Variants in CPQ observed in about 807,000 individuals in gnomAD.
CPQ encodes the protein carboxypeptidase Q.
Under a neutral mutation model 45.7 loss-of-function variants are expected in CPQ, and 37 were observed. The ratio of observed to expected loss-of-function variants is 0.81; its 90% CI spans 0.62 to 1.07. The LOEUF (loss-of-function observed/expected upper bound fraction) is 1.07. Among genes scored for constraint, CPQ ranks in the 50% least tolerant of loss-of-function variants. The pLI is 0.00. For synonymous variants in CPQ, 186 were observed against 205.8 expected, an observed-to-expected ratio of 0.90 and a Z score of 0.82; for missense variants, 537 against 572.9, an observed-to-expected ratio of 0.94 and a Z score of 0.64.
Position 96,965,964 on chromosome 8 carries a change from C to G in CPQ, c.879C>G (p.Ser293Arg). 6.2e-7 allele frequency: 1 copy of G among 1,613,748 alleles called. No individual in the cohort carries two copies. Among genetic ancestry groups the G allele is most frequent in the South Asian group, 1.1e-5 (1 of 91,058 alleles). Residue 293 changes from serine to arginine, a missense_variant, in exon 5 of 8, where the codon AGC becomes AGG. Ser to Arg is a moderately radical substitution (Grantham distance 110). Transcript: ENST00000220763. ...QVVLVSGHLD[S>R]WDVGQGAMDD... ...TACTGGTCAGTGGACATCTGGACAG[C>G]TGGGATGTTGGGCAGGGTGCCATGG...
rs139641925 is a variant in CPQ at position 96,831,607 on chromosome 8, G to A, written c.434-3366G>A. On this transcript the variant is annotated intron_variant, in intron 2 of 7. Coordinates refer to ENST00000220763, the MANE Select transcript of CPQ (RefSeq NM_016134.4). Reference sequence around the variant, plus strand: ...ATGGAAGGGTAAAATTTTCTAGGTGGTCTAGTTTTATTTTATTCCATTTGA... The same window carrying A: ...ATGGAAGGGTAAAATTTTCTAGGTGATCTAGTTTTATTTTATTCCATTTGA... Among the ~76,000 whole-genome samples, 491 of 152,172 alleles carry A rather than the reference G, an allele frequency of 3.2e-3. 5 individuals carry two copies. Among genetic ancestry groups the A allele is most frequent in the African/African-American group, 0.011 (449 of 41,516 alleles).
Position 97,054,506 on chromosome 8 carries a change from G to C in CPQ, c.1054-11503G>C, listed in dbSNP as rs374913569. On this transcript the variant is annotated intron_variant, in intron 6 of 7. Transcript: ENST00000220763. The stretch of plus-strand genomic sequence containing the variant: ...TCACAGCATGGTTCACAATTGCAAA[G>C]ATATGGAATAAACCTAACTGTCCAT... 1.1e-4 allele frequency among the ~76,000 whole-genome samples: 16 copies of C among 152,254 alleles called. No homozygotes were observed. In the South Asian group the frequency reaches 3.3e-3, roughly 32 times the overall value.
In CPQ at chr8:96,679,658, C is replaced by T. The variant is rs540959767; in HGVS notation, c.-35+34256C>T. Among the ~76,000 whole-genome samples the T allele has an allele frequency of 4.6e-5, 7 of 151,938 alleles. No individual in the cohort carries two copies. The South Asian group carries it at 1.0e-3, about 23-fold the overall frequency. On this transcript the variant is annotated intron_variant, in intron 1 of 7. Coordinates refer to ENST00000220763, the MANE Select transcript of CPQ (RefSeq NM_016134.4). ...TCATTCTTTGTAGGTTTTATGTGAC[C>T]AGGAGTTATCCATTTTCTCTAAGTT...
chr8:97,043,197 T>G (rs1210087890), intron 6 of CPQ, among the ~76,000 whole-genome samples: 6 of 152,204 alleles, frequency 3.9e-5, no homozygotes, highest in Admixed American at 1.3e-4. Flanking sequence ...ATATTTAGGA[T>G]AGTTAGCTCT....
At chr8:96,989,055 G>C (rs142393820) in intron 5 of CPQ, among the ~76,000 whole-genome samples, 1 of 152,268 alleles carries the variant, frequency 6.6e-6, no homozygotes, top group Non-Finnish European at 1.5e-5. Context: ...TGCAAGAGTG[G>C]CCTCTCACCA....
At chr8:97,043,745 C>T (rs1810178206) in intron 6 of CPQ, among the ~76,000 whole-genome samples, 1 of 152,150 alleles carries the variant, frequency 6.6e-6, no homozygotes, top group Admixed American at 6.5e-5. Context: ...ACTTATGAAG[C>T]TTAGTTTGGC....
intron 2 of CPQ, among the ~76,000 whole-genome samples, chr8:96,802,622 T>C (rs1811021651): frequency 6.6e-6 from 1 of 152,152 alleles, no homozygotes; most frequent in South Asian, 2.1e-4. Context: ...CTGAAACTTT[T>C]TTTCTTAGAA....
chr8:96,737,948 T>C (rs982229424), intron 1 of CPQ, among the ~76,000 whole-genome samples: 7 of 152,192 alleles, frequency 4.6e-5, no homozygotes, highest in African/African-American at 1.7e-4. Flanking sequence ...TTCTATTTTT[T>C]AGTATTTTCT....
chr8:97,088,000 A>T (rs548441475), intron 7 of CPQ, among the ~76,000 whole-genome samples: 2 of 152,298 alleles, frequency 1.3e-5, no homozygotes, highest in South Asian at 4.1e-4. Context: ...GAGATATTTG[A>T]CTTTCAATTA....
At chr8:96,714,836 G>A (rs1161734023) in intron 1 of CPQ, among the ~76,000 whole-genome samples, 5 of 151,456 alleles carry the variant, frequency 3.3e-5, no homozygotes, top group African/African-American at 4.9e-5. Context: ...TTGATGATGC[G>A]ACTTTAGTAT....
At chr8:96,935,886 T>C (rs1360669885) in intron 4 of CPQ, among the ~76,000 whole-genome samples, 1 of 152,166 alleles carries the variant, frequency 6.6e-6, no homozygotes, top group Non-Finnish European at 1.5e-5. Context: ...ATGTAGACAA[T>C]TGTAAGTTAA....
intron 3 of CPQ, among the ~76,000 whole-genome samples, chr8:96,854,518 G>A (rs1968394): frequency 0.052 from 2,388 of 45,588 alleles, 45 homozygotes; most frequent in Middle Eastern, 0.14. Flanking sequence ...GCGACAGAGC[G>A]AGACTCCGTC....
At chr8:96,985,014 T>G (rs73279892) in intron 5 of CPQ, among the ~76,000 whole-genome samples, 1 of 152,188 alleles carries the variant, frequency 6.6e-6, no homozygotes, top group Admixed American at 6.5e-5. Context: ...TCAGTTTTAT[T>G]TGAAAACACG....
chr8:96,711,350 A>G (rs1809606061), intron 1 of CPQ, among the ~76,000 whole-genome samples: 1 of 152,074 alleles, frequency 6.6e-6, no homozygotes, highest in African/African-American at 2.4e-5. Flanking sequence ...AGATGTGTGT[A>G]CTGTTCAGTC....
chr8:96,793,613 A>G (rs1157748512), intron 2 of CPQ, among the ~76,000 whole-genome samples: 1 of 152,196 alleles, frequency 6.6e-6, no homozygotes, highest in Admixed American at 6.5e-5. Context: ...TTTCAAAACC[A>G]ATCATGCTTT....
chr8:97,134,939 T>C (rs1812024777), intron 7 of CPQ, among the ~76,000 whole-genome samples: 1 of 152,236 alleles, frequency 6.6e-6, no homozygotes, highest in Non-Finnish European at 1.5e-5. Flanking sequence ...TTGGGGAGTC[T>C]GTAGCATCAT....
chr8:97,012,242 T>C (rs1809500347), intron 5 of CPQ, among the ~76,000 whole-genome samples: 1 of 152,192 alleles, frequency 6.6e-6, no homozygotes, highest in Non-Finnish European at 1.5e-5. Flanking sequence ...TCCAAATGAG[T>C]ATTTATTGAT....
intron 4 of CPQ, among the ~76,000 whole-genome samples, chr8:96,884,891 T>G (rs1812279718): frequency 6.6e-6 from 1 of 152,210 alleles, no homozygotes. Context: ...TGGTGCTAAA[T>G]AACTTATAAA....
At chr8:96,690,899 C>T (rs1809296471) in intron 1 of CPQ, among the ~76,000 whole-genome samples, 7 of 151,566 alleles carry the variant, frequency 4.6e-5, no homozygotes, top group Admixed American at 4.6e-4. Flanking sequence ...TTATGAAAAA[C>T]AAAGTAAAAT....
Sources: gnomAD v4.1 joint callset for allele counts (sites outside exome capture counted in the v4.1 genomes callset) on GRCh38, gnomAD v4.1.1 for gene constraint, MANE v1.5 for transcripts, NCBI Gene and HGNC (gene_info 2026-07-23, HGNC 2026-07-21) for gene names.